Variants in MYO1E observed in about 807,000 individuals in gnomAD.
The protein encoded by MYO1E is unconventional myosin-Ie.
Under a neutral mutation model 151.1 loss-of-function variants are expected in MYO1E, and 68 were observed. That is an observed-to-expected ratio of 0.45 (90% confidence interval 0.37 to 0.55). The LOEUF (loss-of-function observed/expected upper bound fraction) is 0.55. Ranked by LOEUF, MYO1E falls within the 20% of genes least tolerant of loss-of-function variation. The pLI, the probability that MYO1E is intolerant of heterozygous loss-of-function variation, is 0.00. For missense variants in MYO1E, 1,363 were observed against 1,389.3 expected, an observed-to-expected ratio of 0.98 and a Z score of 0.30; for synonymous variants, 601 against 501.7, an observed-to-expected ratio of 1.20 and a Z score of -2.64.
chr15:59,301,449 A>G (rs917339609), intron 1 of MYO1E, among the ~76,000 whole-genome samples: 13 of 152,322 alleles, frequency 8.5e-5, no homozygotes, highest in Admixed American at 7.8e-4. Context: ...CAATCCTGAA[A>G]GCCAGCCTTC....
intron 1 of MYO1E, among the ~76,000 whole-genome samples, chr15:59,283,076 C>A (rs1441031036): frequency 6.7e-6 from 1 of 149,700 alleles, no homozygotes; most frequent in Admixed American, 6.6e-5. Flanking sequence ...CTCTGGTTGC[C>A]CTCATCCCAG....
At chr15:59,162,474 T>C (rs1041437158) in intron 23 of MYO1E, among the ~76,000 whole-genome samples, 16 of 151,774 alleles carry the variant, frequency 1.1e-4, no homozygotes, top group Non-Finnish European at 1.2e-4. Flanking sequence ...TGAAACCCCG[T>C]ATCTACTAAA....
At chr15:59,313,965 T>TA (rs535324580) in intron 1 of MYO1E, among the ~76,000 whole-genome samples, 135 of 152,340 alleles carry the variant, frequency 8.9e-4, no homozygotes, top group South Asian at 2.3e-3. Flanking sequence ...GAACAGGAGT[T>TA]AGACAGCGTG....
chr15:59,249,678 A>G (rs1178891365), intron 4 of MYO1E, among the ~76,000 whole-genome samples: 1 of 152,194 alleles, frequency 6.6e-6, no homozygotes, highest in Non-Finnish European at 1.5e-5. Context: ...TTTATTTCCT[A>G]ATTAAATGAC....
intron 1 of MYO1E, among the ~76,000 whole-genome samples, chr15:59,303,363 G>T (rs193125805): frequency 6.6e-6 from 1 of 151,970 alleles, no homozygotes; most frequent in Non-Finnish European, 1.5e-5. Flanking sequence ...GCAGTGAGAC[G>T]GGATTGTGCC....
chr15:59,153,710 C>A lies in MYO1E; in HGVS notation c.2960G>T (p.Ser987Ile), dbSNP rs769643235. 1 of 1,614,154 alleles carries A rather than the reference C, an allele frequency of 6.2e-7. No individual in the cohort carries two copies. The highest frequency in any genetic ancestry group is 8.5e-7 in the Non-Finnish European group (1 of 1,180,012). ...CGGGCGGGCCATGGAGGTGTACAGG[C>A]TTTTCTGATTGGACCTCTGGCTTCC... ...APGSQRSNQK[S>I]LYTSMARPPL... The change falls in exon 26 of 28, where the codon AGC (serine) becomes ATC (isoleucine). Residue 987 changes from serine (S) to isoleucine (I), a missense_variant. Coordinates refer to ENST00000288235, the MANE Select transcript of MYO1E (RefSeq NM_004998.4).
intron 1 of MYO1E, among the ~76,000 whole-genome samples, chr15:59,302,245 T>A (rs1425692508): frequency 2.6e-5 from 4 of 152,174 alleles, no homozygotes; most frequent in African/African-American, 9.7e-5. Context: ...TAGGGACATG[T>A]CCAATTAACG....
intron 9 of MYO1E, among the ~76,000 whole-genome samples, chr15:59,219,413 G>A (rs1456205426): frequency 6.6e-6 from 1 of 152,130 alleles, no homozygotes; most frequent in Non-Finnish European, 1.5e-5. Flanking sequence ...AAAGAATTTT[G>A]TTAAAGGCCT....
chr15:59,210,491 A>G (rs769820306), intron 13 of MYO1E, 23 bp downstream of exon 13: 3 of 1,467,528 alleles, frequency 2.0e-6, no homozygotes, highest in Non-Finnish European at 1.9e-6. Flanking sequence ...AGCAGTGAAA[A>G]GACATACTAA....
chr15:59,249,568 C>T (rs1212502168), intron 4 of MYO1E, among the ~76,000 whole-genome samples: 1 of 152,108 alleles, frequency 6.6e-6, no homozygotes, highest in African/African-American at 2.4e-5. Flanking sequence ...TTATGGGCTG[C>T]ATTATGCCAT....
intron 3 of MYO1E, among the ~76,000 whole-genome samples, 152 bp downstream of exon 3, chr15:59,261,265 AAGC>A (rs1276231483): frequency 6.6e-6 from 1 of 151,694 alleles, no homozygotes; most frequent in African/African-American, 2.4e-5. Context: ...TAAAAATAAA[AAGC>A]AGATCATTAA....
Position 59,135,670 on chromosome 15 carries a change from G to GTATC in MYO1E, c.*1706_*1709dup, listed in dbSNP as rs2079368093. The GTATC allele has an allele frequency of 6.6e-6, 1 of 152,184 alleles. No individual in the cohort carries two copies. The highest frequency in any genetic ancestry group is 2.4e-5 in the African/African-American group (1 of 41,430). The allele number at this position is 152,184 out of a possible 1,614,324, so 9.4% of individuals were successfully genotyped here. A position where few individuals can be genotyped will look rare whatever the true frequency, so the allele number is the denominator to read the frequency against. ...GAAGTAAAACACAGCAGAATTAAAT[G>GTATC]TATCTTCGTTTCAAATCTAGATCAA... is the stretch of plus-strand genomic sequence containing the variant. On this transcript the variant is annotated 3_prime_UTR_variant, in exon 28 of 28. Coordinates refer to ENST00000288235, the MANE Select transcript of MYO1E (RefSeq NM_004998.4).
In MYO1E at chr15:59,174,177, A is replaced by G. The variant is rs1409741692; in HGVS notation, c.2113T>C (p.Ser705Pro). 1 of 1,614,060 alleles carries G rather than the reference A, an allele frequency of 6.2e-7. No homozygotes were observed. The highest frequency in any genetic ancestry group is 2.2e-5 in the East Asian group (1 of 44,882). The part of the protein sequence containing the change: ...YDGYARVIQK[S>P]WRKFVARKKY... ...TTCCGGGCCACGAATTTCCTCCATGATTTCTGTATCACTCGAGCATACCCA... is the reference window on the plus strand; with the variant it reads ...TTCCGGGCCACGAATTTCCTCCATGGTTTCTGTATCACTCGAGCATACCCA... The change falls in exon 20 of 28, where the codon TCA becomes CCA. Residue 705 changes from serine to proline, a missense_variant. Transcript: ENST00000288235.
intron 1 of MYO1E, among the ~76,000 whole-genome samples, chr15:59,360,188 T>A (rs1199231176): frequency 6.6e-6 from 1 of 152,084 alleles, no homozygotes; most frequent in Non-Finnish European, 1.5e-5. Context: ...GGTCAAGGAA[T>A]TTTTCACGTC....
At chr15:59,301,311 T>C (rs2080481325) in intron 1 of MYO1E, among the ~76,000 whole-genome samples, 1 of 152,210 alleles carries the variant, frequency 6.6e-6, no homozygotes, top group African/African-American at 2.4e-5. Flanking sequence ...CATTTAAAAA[T>C]AGATTAATTC....
intron 12 of MYO1E, 63 bp from the exon 13 acceptor site, chr15:59,210,663 A>T: frequency 8.6e-7 from 1 of 1,165,302 alleles, no homozygotes; most frequent in East Asian, 2.3e-5. Context: ...GCACGGACAG[A>T]CCCTGAATGG....
At chr15:59,343,265 T>A (rs188195699) in intron 1 of MYO1E, among the ~76,000 whole-genome samples, 1 of 152,124 alleles carries the variant, frequency 6.6e-6, no homozygotes, top group African/African-American at 2.4e-5. Flanking sequence ...TTGGAGGATA[T>A]TTTTGCCAGA....
At chr15:59,246,972 G>C (rs1202127203) in intron 4 of MYO1E, among the ~76,000 whole-genome samples, 5 of 152,144 alleles carry the variant, frequency 3.3e-5, no homozygotes, top group African/African-American at 1.2e-4. Flanking sequence ...CAATGACAAA[G>C]GGTTAGTTTT....
In MYO1E at chr15:59,134,876, A is replaced by G. The variant is rs2079363280; in HGVS notation, c.*2504T>C. On this transcript the variant is annotated 3_prime_UTR_variant, in exon 28 of 28. Coordinates refer to ENST00000288235, the MANE Select transcript of MYO1E (RefSeq NM_004998.4). Reference sequence around the variant, plus strand: ...AGGCCAGGCTAGATCCACAGACTAGAGGAAACCCAGGTTAGTGTCTTAAAG... The same window carrying G: ...AGGCCAGGCTAGATCCACAGACTAGGGGAAACCCAGGTTAGTGTCTTAAAG... 6.6e-6 allele frequency: 1 copy of G among 152,212 alleles called. No homozygotes were observed. Among genetic ancestry groups the G allele is most frequent in the Non-Finnish European group, 1.5e-5 (1 of 68,034 alleles). The allele number at this position is 152,212 out of a possible 1,614,324, so 9.4% of individuals were successfully genotyped here. A position where few individuals can be genotyped will look rare whatever the true frequency, so the allele number is the denominator to read the frequency against.
Sources: gnomAD v4.1 joint callset for allele counts (sites outside exome capture counted in the v4.1 genomes callset) on GRCh38, gnomAD v4.1.1 for gene constraint, MANE v1.5 for transcripts, NCBI Gene and HGNC (gene_info 2026-07-23, HGNC 2026-07-21) for gene names.